Variants in FERMT2 observed in about 807,000 individuals in gnomAD.
FERMT2 encodes the protein FERM domain containing kindlin 2, also known as fermitin family homolog 2.
Under a neutral mutation model 82.7 loss-of-function variants are expected in FERMT2, and 15 were observed. The ratio of observed to expected loss-of-function variants is 0.18; its 90% CI spans 0.12 to 0.28. The LOEUF (loss-of-function observed/expected upper bound fraction) is 0.28. Among genes scored for constraint, FERMT2 ranks in the 10% least tolerant of loss-of-function variants. The pLI is 1.00. For synonymous variants in FERMT2, 274 were observed against 271.5 expected, an observed-to-expected ratio of 1.01 and a Z score of -0.09; for missense variants, 645 against 809.4, an observed-to-expected ratio of 0.80 and a Z score of 2.46.
chr14:52,926,005 A>G (rs1474077302), intron 2 of FERMT2, among the ~76,000 whole-genome samples: 1 of 152,172 alleles, frequency 6.6e-6, no homozygotes, highest in African/African-American at 2.4e-5. Flanking sequence ...GCTTGTCTCT[A>G]AAGTGGCAAG....
At chr14:52,866,075 T>C (rs1885262659) in intron 10 of FERMT2, among the ~76,000 whole-genome samples, 1 of 152,216 alleles carries the variant, frequency 6.6e-6, no homozygotes, top group Non-Finnish European at 1.5e-5. Flanking sequence ...ATATCATTAA[T>C]AATTCAAGAG....
intron 3 of FERMT2, among the ~76,000 whole-genome samples, chr14:52,897,307 A>T (rs1887343100): frequency 6.6e-6 from 1 of 152,166 alleles, no homozygotes; most frequent in South Asian, 2.1e-4. Flanking sequence ...ATCTTTTTCC[A>T]TATTTTATTT....
At chr14:52,921,755 A>T (rs552246353) in intron 2 of FERMT2, among the ~76,000 whole-genome samples, 1 of 152,310 alleles carries the variant, frequency 6.6e-6, no homozygotes, top group East Asian at 1.9e-4. Context: ...GGGAAAAAAA[A>T]AAGTTTTAGA....
chr14:52,932,782 T>G (rs2139677624), intron 2 of FERMT2, among the ~76,000 whole-genome samples: 1 of 152,340 alleles, frequency 6.6e-6, no homozygotes, highest in South Asian at 2.1e-4. Flanking sequence ...ACTCTTAATC[T>G]ATTTCTAGAG....
At chr14:52,938,014 A>C (rs1470326360) in intron 2 of FERMT2, among the ~76,000 whole-genome samples, 1 of 152,200 alleles carries the variant, frequency 6.6e-6, no homozygotes, top group Non-Finnish European at 1.5e-5. Flanking sequence ...CGACAACCCT[A>C]AGTGGTAAGA....
At chr14:52,903,133 AGGCAG>A (rs547546663) in intron 3 of FERMT2, among the ~76,000 whole-genome samples, 4 of 152,170 alleles carry the variant, frequency 2.6e-5, no homozygotes, top group African/African-American at 9.6e-5. Flanking sequence ...AACCCTAACC[AGGCAG>A]GGCACATTGT....
chr14:52,884,611 A>G (rs952941302), intron 4 of FERMT2, among the ~76,000 whole-genome samples: 1 of 152,010 alleles, frequency 6.6e-6, no homozygotes, highest in Admixed American at 6.6e-5. Flanking sequence ...CAAAAACAAC[A>G]AACAAAAAAA....
chr14:52,893,496 T>C, intron 3 of FERMT2, 69 bp from the exon 4 acceptor site: 4 of 1,215,530 alleles, frequency 3.3e-6, no homozygotes, highest in Non-Finnish European at 4.6e-6. Context: ...AGTAAATCTA[T>C]TGTTTCAAGA....
At chr14:52,872,305 C>T (rs753170515) in intron 10 of FERMT2, 28 of 154,616 alleles carry the variant, frequency 1.8e-4, no homozygotes, top group Admixed American at 8.4e-4. Context: ...CCTGTAATCT[C>T]AGCACTTTGG....
At chr14:52,906,817 C>T (rs927360182) in intron 3 of FERMT2, among the ~76,000 whole-genome samples, 3 of 151,732 alleles carry the variant, frequency 2.0e-5, no homozygotes, top group African/African-American at 7.3e-5. Context: ...CAGGATACAT[C>T]ATAATCAAAT....
chr14:52,858,846 A>C, intron 14 of FERMT2: 1 of 248,380 alleles, frequency 4.0e-6, no homozygotes. Flanking sequence ...ATTAATGAGA[A>C]TGCCTCTCTT....
At chr14:52,916,715 C>T (rs949712515) in intron 3 of FERMT2, among the ~76,000 whole-genome samples, 4 of 152,140 alleles carry the variant, frequency 2.6e-5, no homozygotes, top group African/African-American at 9.7e-5. Flanking sequence ...AAGGTAGGTT[C>T]ACCAGTTACA....
chr14:52,858,290 GCTTA>G lies in FERMT2; in HGVS notation c.*83_*86del, dbSNP rs1167949948. 1.7e-6 allele frequency: 2 copies of G among 1,182,118 alleles called. No homozygotes were observed. The highest frequency in any genetic ancestry group is 3.1e-5 in the African/African-American group (2 of 64,854). 73.2% of individuals were successfully genotyped at this position (1,182,118 alleles called of 1,614,324 possible). On this transcript the variant is annotated 3_prime_UTR_variant, in exon 15 of 15. Transcript: ENST00000341590. ...TTCATGATAAAATGATAAATTTCAA[GCTTA>G]CTTTATTAAGCAGCATATAACAAAC... is the stretch of plus-strand genomic sequence containing the variant.
At chr14:52,927,591 A>G (rs747508382) in intron 2 of FERMT2, among the ~76,000 whole-genome samples, 5 of 93,258 alleles carry the variant, frequency 5.4e-5, no homozygotes, top group Non-Finnish European at 1.1e-4. Context: ...CCTCATCCCT[A>G]TAAAAAAAAA....
chr14:52,918,260 A>G (rs1888733746), intron 3 of FERMT2, among the ~76,000 whole-genome samples: 1 of 152,220 alleles, frequency 6.6e-6, no homozygotes, highest in Admixed American at 6.5e-5. Context: ...TTTAAAAAAT[A>G]CATATAAAAT....
intron 9 of FERMT2, chr14:52,873,705 TTGATTC>T (rs1337326096): frequency 1.3e-5 from 2 of 152,804 alleles, no homozygotes; most frequent in African/African-American, 4.8e-5. Context: ...CCGAGCTCTC[TTGATTC>T]TGTGGAATAT....
intron 3 of FERMT2, among the ~76,000 whole-genome samples, chr14:52,903,471 G>C (rs998127406): frequency 2.6e-5 from 4 of 152,006 alleles, no homozygotes; most frequent in Non-Finnish European, 5.9e-5. Context: ...CCAGGAGTTA[G>C]AGATTAGAGT....
At chr14:52,868,447 C>A (rs1885421580) in intron 10 of FERMT2, among the ~76,000 whole-genome samples, 1 of 152,094 alleles carries the variant, frequency 6.6e-6, no homozygotes. Flanking sequence ...CTATTTATTA[C>A]CCCAATTGTA....
chr14:52,927,394 T>C (rs757206296), intron 2 of FERMT2, among the ~76,000 whole-genome samples: 2 of 152,140 alleles, frequency 1.3e-5, no homozygotes, highest in African/African-American at 2.4e-5. Flanking sequence ...GGAGACATTA[T>C]TGAAAACATC....
Sources: allele counts gnomAD v4.1 joint callset (sites outside exome capture counted in the v4.1 genomes callset), GRCh38; gene constraint gnomAD v4.1.1; transcripts MANE v1.5; gene names NCBI Gene and HGNC (gene_info 2026-07-23, HGNC 2026-07-21).